Variants in APPL1 observed in about 807,000 individuals in gnomAD.
The protein encoded by APPL1 is DCC-interacting protein 13-alpha.
Under a neutral mutation model 106.8 loss-of-function variants are expected in APPL1, and 42 were observed. The ratio of observed to expected loss-of-function variants is 0.39; its 90% CI spans 0.31 to 0.51. The LOEUF is 0.51. Among genes scored for constraint, APPL1 ranks in the 20% least tolerant of loss-of-function variants. The pLI is 0.75. For synonymous variants in APPL1, 263 were observed against 281.8 expected (o/e 0.93, Z 0.67); for missense variants, 769 against 858.2 (o/e 0.90, Z 1.30).
In APPL1 at chr3:57,248,120, A is replaced by G. The variant is rs192050165; in HGVS notation, c.705-73A>G. 293 of 1,444,620 alleles carry G rather than the reference A, an allele frequency of 2.0e-4. 2 individuals are homozygous for G. The African/African-American group carries it at 3.1e-3, about 15-fold the overall frequency. 89.5% of individuals were successfully genotyped at this position (1,444,620 alleles called of 1,614,324 possible). ...TTAAGAAAACATACCCGAAACAAAT[A>G]TGCAGGTAAACATGATTGGTAAGGA... On this transcript the variant is annotated intron_variant, in intron 9 of 21. Coordinates refer to ENST00000288266, the MANE Select transcript of APPL1 (RefSeq NM_012096.3).
chr3:57,251,502 G>A (rs1174174108), intron 11 of APPL1, among the ~76,000 whole-genome samples: 1 of 148,770 alleles, frequency 6.7e-6, no homozygotes, highest in African/African-American at 2.5e-5. Flanking sequence ...TTCAGCCTGG[G>A]TGACAGAGTG....
chr3:57,253,655 A>T (rs1189805307), intron 12 of APPL1, 27 bp from the exon 13 acceptor site: 2 of 1,398,236 alleles, frequency 1.4e-6, no homozygotes, highest in African/African-American at 1.5e-5. Context: ...AAAAAAAATT[A>T]TATTTTTCTA....
chr3:57,249,952 C>G (rs918769789), intron 11 of APPL1, among the ~76,000 whole-genome samples: 1 of 136,068 alleles, frequency 7.3e-6, no homozygotes, highest in African/African-American at 2.7e-5. Context: ...CTCCATTTTT[C>G]TTCATGTAAA....
intron 1 of APPL1, among the ~76,000 whole-genome samples, chr3:57,231,891 G>T (rs75617018): frequency 6.6e-6 from 1 of 151,580 alleles, no homozygotes; most frequent in Admixed American, 6.6e-5. Context: ...TTGATTTATA[G>T]TAACTACGTA....
chr3:57,262,203 G>C (rs1355004145), intron 19 of APPL1, among the ~76,000 whole-genome samples: 1 of 151,870 alleles, frequency 6.6e-6, no homozygotes, highest in Non-Finnish European at 1.5e-5. Flanking sequence ...CCATTCAACA[G>C]GTTGTCTGTT....
intron 13 of APPL1, among the ~76,000 whole-genome samples, chr3:57,254,421 AT>A (rs1274196762): frequency 6.6e-6 from 1 of 152,234 alleles, no homozygotes; most frequent in Non-Finnish European, 1.5e-5. Flanking sequence ...CTGAAAGCAT[AT>A]GGCGATGACT....
intron 15 of APPL1, among the ~76,000 whole-genome samples, chr3:57,258,261 G>T (rs888591200): frequency 6.6e-6 from 1 of 152,104 alleles, no homozygotes; most frequent in Non-Finnish European, 1.5e-5. Context: ...GGGCTCAAGG[G>T]ATCCACCTGC....
intron 11 of APPL1, among the ~76,000 whole-genome samples, chr3:57,251,262 G>C (rs1291789530): frequency 6.6e-6 from 1 of 151,086 alleles, no homozygotes; most frequent in Admixed American, 6.6e-5. Flanking sequence ...GGTGGCTCAC[G>C]CCTGTAATCC....
intron 7 of APPL1, 112 bp downstream of exon 7, chr3:57,243,026 C>A: frequency 1.4e-6 from 1 of 732,674 alleles, no homozygotes; most frequent in South Asian, 1.8e-5. Context: ...TGTTATATTA[C>A]TATTAGTTTA....
chr3:57,255,662 TAATAA>T (rs910521693), intron 13 of APPL1, among the ~76,000 whole-genome samples: 1 of 152,242 alleles, frequency 6.6e-6, no homozygotes, highest in African/African-American at 2.4e-5. Flanking sequence ...CAATTATGTC[TAATAA>T]AATAAATTAT....
intron 13 of APPL1, among the ~76,000 whole-genome samples, chr3:57,255,879 C>A (rs1206404398): frequency 1.3e-5 from 2 of 152,104 alleles, no homozygotes; most frequent in Non-Finnish European, 1.5e-5. Flanking sequence ...TACTTACAGT[C>A]TTTTACTACC....
chr3:57,235,753 C>T, intron 2 of APPL1, 89 bp downstream of exon 2: 1 of 878,388 alleles, frequency 1.1e-6, no homozygotes, highest in East Asian at 2.5e-5. Context: ...TTTACCACTG[C>T]TTTAGCCCTG....
At chr3:57,242,067 G>T in intron 5 of APPL1, 34 bp from the exon 6 acceptor site, 1 of 1,480,350 alleles carries the variant, frequency 6.8e-7, no homozygotes. Context: ...TTTCATAAAT[G>T]TGCCAAACTT....
At chr3:57,241,960 CAG>C (rs2060748551) in intron 5 of APPL1, 139 bp from the exon 6 acceptor site, 4 of 551,134 alleles carry the variant, frequency 7.3e-6, no homozygotes, top group Non-Finnish European at 9.5e-6. Context: ...AGCTGAAACA[CAG>C]AGTAGCTTTT....
intron 5 of APPL1, among the ~76,000 whole-genome samples, chr3:57,241,155 ATTCCTTTGG>A (rs2060744364): frequency 6.6e-6 from 1 of 152,206 alleles, no homozygotes; most frequent in Non-Finnish European, 1.5e-5. Flanking sequence ...GAGAGACACA[ATTCCTTTGG>A]AGGATGGAAT....
In APPL1 at chr3:57,257,308, A is replaced by G. The variant is rs750982071; in HGVS notation, c.1310A>G (p.Asn437Ser). Residue 437 changes from asparagine (N) to serine (S), a missense_variant, in exon 15 of 22, where the codon AAT (asparagine) becomes AGT (serine). By Grantham distance (46) the Asn-to-Ser change is conservative. Coordinates refer to ENST00000288266, the MANE Select transcript of APPL1 (RefSeq NM_012096.3). Reference protein sequence around the residue: ...SSGSLGSESTNLAALSLDSLV... With the variant: ...SSGSLGSESTSLAALSLDSLV... The stretch of plus-strand genomic sequence containing the variant: ...GGATCCTTAGGATCTGAGTCTACAA[A>G]TTTGGCTGCCCTCTCTCTAGATTCT... 31 of 1,614,102 alleles carry G rather than the reference A, an allele frequency of 1.9e-5. No homozygotes were observed. The Admixed American group carries it at 5.2e-4, about 27-fold the overall frequency.
intron 15 of APPL1, 79 bp from the exon 16 acceptor site, chr3:57,258,949 G>T: frequency 4.8e-6 from 5 of 1,037,686 alleles, no homozygotes; most frequent in African/African-American, 1.6e-5. Flanking sequence ...AATGTTAACT[G>T]TGGTTTTAAT....
intron 4 of APPL1, among the ~76,000 whole-genome samples, chr3:57,240,130 TG>T (rs1008932561): frequency 6.9e-6 from 1 of 145,306 alleles, no homozygotes; most frequent in East Asian, 1.9e-4. Context: ...CATTCTGAGT[TG>T]TTTTTTTTTT....
At chr3:57,232,872 G>T (rs926214061) in intron 1 of APPL1, among the ~76,000 whole-genome samples, 3 of 152,018 alleles carry the variant, frequency 2.0e-5, no homozygotes, top group African/African-American at 7.2e-5. Flanking sequence ...TGTGGTGGCT[G>T]GCACCTGTAG....
Sources: gnomAD v4.1 joint callset for allele counts (sites outside exome capture counted in the v4.1 genomes callset) on GRCh38, gnomAD v4.1.1 for gene constraint, MANE v1.5 for transcripts, NCBI Gene and HGNC (gene_info 2026-07-23, HGNC 2026-07-21) for gene names.